Variants in FAM228A observed in about 807,000 individuals in gnomAD.
FAM228A encodes protein FAM228A.
In FAM228A, 13 loss-of-function variants were observed where a neutral mutation model predicts 18.6. The observed-to-expected ratio is 0.70, with a 90% CI of 0.45 to 1.11. The LOEUF (loss-of-function observed/expected upper bound fraction) is 1.11. Among genes scored for constraint, FAM228A ranks in the 50% least tolerant of loss-of-function variants. The probability of loss-of-function intolerance (pLI) is 0.00; values close to 1 mark genes in which losing one functional copy is unlikely to be tolerated. For missense variants in FAM228A, 240 were observed against 242.2 expected (o/e 0.99, Z 0.06); for synonymous variants, 77 against 86.6 (o/e 0.89, Z 0.61).
intron 5 of FAM228A, among the ~76,000 whole-genome samples, chr2:24,184,714 C>T (rs1189494524): frequency 6.6e-6 from 1 of 151,886 alleles, no homozygotes; most frequent in African/African-American, 2.4e-5. Context: ...CTCGCTCTGT[C>T]GTCCAGGCTG....
intron 3 of FAM228A, among the ~76,000 whole-genome samples, chr2:24,178,550 G>C (rs1421605318): frequency 6.6e-6 from 1 of 152,144 alleles, no homozygotes; most frequent in Non-Finnish European, 1.5e-5. Flanking sequence ...CTCCAGCCTG[G>C]GTGACAGAGT....
intron 5 of FAM228A, chr2:24,188,626 G>A (rs534188771): frequency 1.7e-5 from 17 of 985,286 alleles, no homozygotes; most frequent in Non-Finnish European, 2.0e-5. Flanking sequence ...AGAGAAATCA[G>A]TCTCTACCTT....
intron 5 of FAM228A, among the ~76,000 whole-genome samples, chr2:24,184,110 T>G (rs2151045474): frequency 6.6e-6 from 1 of 152,316 alleles, no homozygotes; most frequent in East Asian, 1.9e-4. Context: ...CCGGGCACGG[T>G]GGCTCACACC....
chr2:24,176,065 C>G lies in FAM228A; in HGVS notation c.93+492C>G, dbSNP rs1009657096. On this transcript the variant is annotated intron_variant, in intron 2 of 5. Coordinates refer to ENST00000295150, the MANE Select transcript of FAM228A (RefSeq NM_001040710.3). ...GATTTCGAAAAGTGCTGCTGCAAAT[C>G]ATGACCTTTTCCTTATATTTCCTGG... 1.5e-5 allele frequency: 15 copies of G among 985,312 alleles called. No homozygotes were observed. The South Asian group carries it at 6.1e-4, about 40-fold the overall frequency. 61.0% of individuals were successfully genotyped at this position (985,312 alleles called of 1,614,324 possible).
At chr2:24,184,264 C>T (rs1173450462) in intron 5 of FAM228A, among the ~76,000 whole-genome samples, 2 of 151,760 alleles carry the variant, frequency 1.3e-5, no homozygotes, top group African/African-American at 4.8e-5. Flanking sequence ...CCTATAATCC[C>T]AGCTACTCGG....
At chr2:24,184,440 A>G (rs1427966704) in intron 5 of FAM228A, among the ~76,000 whole-genome samples, 2 of 151,026 alleles carry the variant, frequency 1.3e-5, no homozygotes, top group Non-Finnish European at 2.9e-5. Context: ...GGGTTTGTAC[A>G]TGTACAGTTC....
chr2:24,177,715 A>G, intron 2 of FAM228A, 87 bp from the exon 3 acceptor site: 1 of 746,198 alleles, frequency 1.3e-6, no homozygotes, highest in Non-Finnish European at 2.2e-6. Flanking sequence ...GATTTACACT[A>G]AAACTATTGG....
intron 5 of FAM228A, among the ~76,000 whole-genome samples, chr2:24,189,893 G>A (rs1319185936): frequency 6.6e-6 from 1 of 152,168 alleles, no homozygotes; most frequent in Non-Finnish European, 1.5e-5. Context: ...AAGCCAGGAA[G>A]GGAGCCAGGC....
chr2:24,181,264 A>C (rs1667809795), intron 3 of FAM228A, among the ~76,000 whole-genome samples: 1 of 152,240 alleles, frequency 6.6e-6, no homozygotes, highest in African/African-American at 2.4e-5. Context: ...TGGCTTTTAT[A>C]ATATGAATCT....
chr2:24,188,563 C>G, intron 5 of FAM228A: 1 of 985,356 alleles, frequency 1.0e-6, no homozygotes, highest in Non-Finnish European at 1.2e-6. Context: ...ACCCACCTGT[C>G]AGGACATCAA....
chr2:24,183,982 T>C (rs1667879080), intron 5 of FAM228A, among the ~76,000 whole-genome samples: 1 of 152,228 alleles, frequency 6.6e-6, no homozygotes, highest in African/African-American at 2.4e-5. Context: ...CTTTGTATCC[T>C]TAAACAATAT....
rs1667646065 is a variant in FAM228A, at chr2:24,175,106, C to T, written c.-83C>T. 1 of 183,618 alleles carries T rather than the reference C, an allele frequency of 5.4e-6. No homozygotes were observed. The highest frequency in any genetic ancestry group is 6.4e-5 in the Admixed American group (1 of 15,622). The allele number at this position is 183,618 out of a possible 1,614,324, so 11.4% of individuals were successfully genotyped here. On this transcript the variant is annotated 5_prime_UTR_variant, in exon 1 of 6. In the 5' UTR this introduces an upstream ATG that the reference lacks. Coordinates refer to ENST00000295150, the MANE Select transcript of FAM228A (RefSeq NM_001040710.3). ...TCCTTTCTCCGTCGCCGCTCCAGGA[C>T]GCGGCCTCGGGGGAGCCCTACCGGG...
At chr2:24,177,710 A>G in intron 2 of FAM228A, 92 bp from the exon 3 acceptor site, 1 of 709,770 alleles carries the variant, frequency 1.4e-6, no homozygotes, top group Non-Finnish European at 2.4e-6. Flanking sequence ...CTCAAGATTT[A>G]CACTAAAACT....
chr2:24,183,161 C>T (rs532045318), intron 3 of FAM228A, 124 bp from the exon 4 acceptor site: 2 of 708,858 alleles, frequency 2.8e-6, no homozygotes, highest in Non-Finnish European at 4.9e-6. Context: ...AACCCTCGCC[C>T]CCTCCTGCCC....
At chr2:24,189,555 TTGG>T (rs1444214315) in intron 5 of FAM228A, among the ~76,000 whole-genome samples, 2 of 152,224 alleles carry the variant, frequency 1.3e-5, no homozygotes, top group East Asian at 1.9e-4. Flanking sequence ...TCTTACTATC[TTGG>T]TGGTCCCAGC....
chr2:24,186,815 T>A (rs1021701419), intron 5 of FAM228A, among the ~76,000 whole-genome samples: 16 of 151,998 alleles, frequency 1.1e-4, no homozygotes, highest in African/African-American at 3.6e-4. Context: ...ATTTTTATAT[T>A]TTTAGTAGAG....
Position 24,191,389 on chromosome 2 carries a change from A to G in FAM228A, c.*758A>G. On this transcript the variant is annotated 3_prime_UTR_variant, in exon 6 of 6. Transcript: ENST00000295150. ...TGTGACCCAGCTCCTGCTCAGTCCC[A>G]TCGCTGTCCCCGGTCTCTCCAGGGA... 1 of 985,460 alleles carries G rather than the reference A, an allele frequency of 1.0e-6. No individual in the cohort carries two copies. Among genetic ancestry groups the G allele is most frequent in the Non-Finnish European group, 1.2e-6 (1 of 829,960 alleles). The allele number at this position is 985,460 out of a possible 1,614,324, so 61.0% of individuals were successfully genotyped here.
rs1227746965 is a variant in FAM228A at position 24,175,116 on chromosome 2, G to A, written c.-73G>A. On this transcript the variant is annotated 5_prime_UTR_variant, in exon 1 of 6. Coordinates refer to ENST00000295150, the MANE Select transcript of FAM228A (RefSeq NM_001040710.3). ...GTCGCCGCTCCAGGACGCGGCCTCG[G>A]GGGAGCCCTACCGGGACGGAGCCGC... 1 of 194,054 alleles carries A rather than the reference G, an allele frequency of 5.2e-6. No individual in the cohort carries two copies. The allele number at this position is 194,054 out of a possible 1,614,324, so 12.0% of individuals were successfully genotyped here.
Position 24,191,170 on chromosome 2 carries a change from T to C in FAM228A, c.*539T>C. On this transcript the variant is annotated 3_prime_UTR_variant, in exon 6 of 6. Coordinates refer to ENST00000295150, the MANE Select transcript of FAM228A (RefSeq NM_001040710.3). ...ACACAGTTTTCAGCTCCTGGTCTAT[T>C]TCCCCTTCCATTCTCTCCGCCACGC... 1.0e-6 allele frequency: 1 copy of C among 985,658 alleles called. No homozygotes were observed. The highest frequency in any genetic ancestry group is 4.7e-5 in the South Asian group (1 of 21,298). The allele number at this position is 985,658 out of a possible 1,614,324, so 61.1% of individuals were successfully genotyped here.
Sources: allele counts gnomAD v4.1 joint callset (sites outside exome capture counted in the v4.1 genomes callset), GRCh38; gene constraint gnomAD v4.1.1; transcripts MANE v1.5; gene names NCBI Gene and HGNC (gene_info 2026-07-23, HGNC 2026-07-21).